Variants in SH3PXD2B observed in about 807,000 individuals in gnomAD.
SH3PXD2B encodes the protein SH3 and PX domains 2B, also known as SH3 and PX domain-containing protein 2B.
SH3PXD2B carries 37 observed loss-of-function variants against 73.1 expected under a neutral mutation model. The ratio of observed to expected loss-of-function variants is 0.51; its 90% CI spans 0.39 to 0.67. The LOEUF is 0.67. SH3PXD2B is among the 30% of genes least tolerant of loss of function. The pLI is 0.00. For synonymous variants in SH3PXD2B, 457 were observed against 480.5 expected (o/e 0.95, Z 0.64); for missense variants, 1,053 against 1,197.8 (o/e 0.88, Z 1.78).
chr5:172,366,124 C>A (rs190169584), intron 6 of SH3PXD2B, among the ~76,000 whole-genome samples: 1 of 152,188 alleles, frequency 6.6e-6, no homozygotes, highest in African/African-American at 2.4e-5. Flanking sequence ...GGCAGGCAGT[C>A]GTTGGCTGGT....
intron 2 of SH3PXD2B, among the ~76,000 whole-genome samples, chr5:172,414,340 G>A (rs1471303258): frequency 4.0e-5 from 6 of 151,632 alleles, no homozygotes; most frequent in Non-Finnish European, 7.4e-5. Context: ...ATGGTAGCGC[G>A]TGCCTGTAAT....
chr5:172,352,873 C>A (rs1281675095), intron 9 of SH3PXD2B, among the ~76,000 whole-genome samples: 1 of 152,184 alleles, frequency 6.6e-6, no homozygotes, highest in Non-Finnish European at 1.5e-5. Flanking sequence ...TTATCGGCAG[C>A]ATGAAAATAG....
intron 8 of SH3PXD2B, among the ~76,000 whole-genome samples, chr5:172,355,949 G>T (rs1341545352): frequency 6.6e-6 from 1 of 152,116 alleles, no homozygotes; most frequent in Non-Finnish European, 1.5e-5. Flanking sequence ...CAGGCCTGCG[G>T]GGGCTTCCTC....
intron 1 of SH3PXD2B, among the ~76,000 whole-genome samples, chr5:172,441,446 C>T (rs1020855940): frequency 1.3e-5 from 2 of 152,198 alleles, no homozygotes; most frequent in African/African-American, 4.8e-5. Flanking sequence ...ATCATGGGAC[C>T]TTGGGACTGC....
In SH3PXD2B at chr5:172,345,947, C is replaced by G. The variant is rs57117749; in HGVS notation, c.1188+189G>C. Among the ~76,000 whole-genome samples the G allele has an allele frequency of 0.023, 3,497 of 152,204 alleles. 111 individuals carry two copies. Among genetic ancestry groups the G allele is most frequent in the African/African-American group, 0.074 (3,072 of 41,508 alleles). On this transcript the variant is annotated intron_variant, in intron 12 of 12. Transcript: ENST00000311601. Reference sequence around the variant, plus strand: ...AGACAGTGGTGAGGGTTGTGCAACCCTGTGAATATCATAAGCCGCTGAATT... The same window carrying G: ...AGACAGTGGTGAGGGTTGTGCAACCGTGTGAATATCATAAGCCGCTGAATT...
chr5:172,332,319 T>C (rs1756573979), downstream of SH3PXD2B, among the ~76,000 whole-genome samples: 1 of 150,332 alleles, frequency 6.7e-6, no homozygotes, highest in Admixed American at 6.7e-5. Context: ...AGTGGTGCGA[T>C]CACAGCTCAC....
At chr5:172,414,367 G>A (rs1332684009) in intron 2 of SH3PXD2B, among the ~76,000 whole-genome samples, 1 of 151,696 alleles carries the variant, frequency 6.6e-6, no homozygotes, top group Non-Finnish European at 1.5e-5. Flanking sequence ...TACTCCGGAG[G>A]CTGAGGTGGG....
At chr5:172,362,378 C>A (rs1374913596) in intron 7 of SH3PXD2B, among the ~76,000 whole-genome samples, 1 of 152,176 alleles carries the variant, frequency 6.6e-6, no homozygotes, top group East Asian at 1.9e-4. Flanking sequence ...GAGCCCAGAG[C>A]AATGGAGCCT....
rs555772769 is a variant in SH3PXD2B at position 172,326,309 on chromosome 5, C to A, written c.1189-929G>T. Among the ~76,000 whole-genome samples, 15 of 152,288 alleles carry A rather than the reference C, an allele frequency of 9.8e-5. No individual in the cohort carries two copies. In the South Asian group the frequency reaches 3.1e-3, roughly 32 times the overall value. On this transcript the variant is annotated intron_variant, in intron 12 of 12. Coordinates refer to the SH3PXD2B transcript ENST00000519643. ...GCTTAAAATGTAGGATCTACAGCAG[C>A]ATACATGCCAAAGTGTGTTCTGTGG...
intron 3 of SH3PXD2B, among the ~76,000 whole-genome samples, chr5:172,403,267 C>A (rs1046113651): frequency 6.6e-6 from 1 of 152,228 alleles, no homozygotes; most frequent in African/African-American, 2.4e-5. Flanking sequence ...CCCAGCTCCT[C>A]CTGGGATGGA....
chr5:172,428,852 G>A (rs906454582), intron 1 of SH3PXD2B, among the ~76,000 whole-genome samples: 8 of 152,174 alleles, frequency 5.3e-5, no homozygotes. Flanking sequence ...GATCTGGAAT[G>A]GGCAATGTTC....
At chr5:172,408,212 C>T (rs1251075429) in intron 2 of SH3PXD2B, among the ~76,000 whole-genome samples, 4 of 151,396 alleles carry the variant, frequency 2.6e-5, no homozygotes, top group African/African-American at 7.3e-5. Flanking sequence ...TAATCTTTAT[C>T]GTTTCAAAGA....
Position 172,335,512 on chromosome 5 carries a change from T to C in SH3PXD2B, c.*2857A>G. Reference sequence around the variant, plus strand: ...GGACCTTCTCCCTCTGAACCTTAATTTTCTCACTATAGATCAGGGCTGGTC... The same window carrying C: ...GGACCTTCTCCCTCTGAACCTTAATCTTCTCACTATAGATCAGGGCTGGTC... On this transcript the variant is annotated 3_prime_UTR_variant, in exon 13 of 13. Coordinates refer to ENST00000311601, the MANE Select transcript of SH3PXD2B (RefSeq NM_001017995.3). 1 of 1,231,666 alleles carries C rather than the reference T, an allele frequency of 8.1e-7. No individual in the cohort carries two copies. Among genetic ancestry groups the C allele is most frequent in the Non-Finnish European group, 1.0e-6 (1 of 987,950 alleles). The allele number at this position is 1,231,666 out of a possible 1,614,324, so 76.3% of individuals were successfully genotyped here.
intron 12 of SH3PXD2B, chr5:172,325,403 A>T (rs1756429283): frequency 6.7e-7 from 1 of 1,498,932 alleles, no homozygotes; most frequent in Non-Finnish European, 9.0e-7. Context: ...AGGGAGAAAA[A>T]TCAGCAAATC....
At position 172,358,759 on chromosome 5, in the gene SH3PXD2B, G is replaced by C. The variant is rs886060424; in HGVS notation, c.667+14C>G. 3.7e-6 allele frequency: 6 copies of C among 1,604,896 alleles called. No individual in the cohort carries two copies. The highest frequency in any genetic ancestry group is 5.1e-6 in the Non-Finnish European group (6 of 1,175,902). On this transcript the variant is annotated intron_variant, in intron 8 of 12. Transcript: ENST00000311601. ...GGTCCTCCCCAGTGAGCAGAGGCTC[G>C]AGCTCCTCCCTACCTTCTTCAGGCT...
At position 172,334,887 on chromosome 5, in the gene SH3PXD2B, T is replaced by G. The variant is rs1253154789; in HGVS notation, c.*3482A>C. Reference sequence around the variant, plus strand: ...AAATCCTCAGTGGGCGCAAACATTTTAGGGCCAAGAACATTGACTTGGAAA... The same window carrying G: ...AAATCCTCAGTGGGCGCAAACATTTGAGGGCCAAGAACATTGACTTGGAAA... On this transcript the variant is annotated 3_prime_UTR_variant, in exon 13 of 13. Transcript: ENST00000311601. 1.0e-6 allele frequency: 1 copy of G among 985,450 alleles called. No individual in the cohort carries two copies. The highest frequency in any genetic ancestry group is 1.2e-6 in the Non-Finnish European group (1 of 829,938). The allele number at this position is 985,450 out of a possible 1,614,324, so 61.0% of individuals were successfully genotyped here.
chr5:172,442,051 T>G (rs1273381715), intron 1 of SH3PXD2B, among the ~76,000 whole-genome samples: 1 of 152,218 alleles, frequency 6.6e-6, no homozygotes, highest in African/African-American at 2.4e-5. Context: ...GTAAATAAAA[T>G]GTAGACAATT....
intron 1 of SH3PXD2B, among the ~76,000 whole-genome samples, chr5:172,450,975 C>G (rs990166150): frequency 1.3e-5 from 2 of 152,344 alleles, no homozygotes; most frequent in Non-Finnish European, 2.9e-5. Flanking sequence ...TCATTGTCAT[C>G]AGCCTCTCAG....
intron 7 of SH3PXD2B, among the ~76,000 whole-genome samples, chr5:172,359,903 C>T (rs921419428): frequency 6.6e-6 from 1 of 152,092 alleles, no homozygotes; most frequent in South Asian, 2.1e-4. Context: ...GGAGATGTGG[C>T]TGTTGAGGAA....
Sources: allele counts gnomAD v4.1 joint callset (sites outside exome capture counted in the v4.1 genomes callset), GRCh38; gene constraint gnomAD v4.1.1; transcripts MANE v1.5; gene names NCBI Gene and HGNC (gene_info 2026-07-23, HGNC 2026-07-21).